Variants in PHACTR3 observed in about 807,000 individuals in gnomAD.
The protein encoded by PHACTR3 is protein phosphatase 1, regulatory subunit 123.
Under a neutral mutation model 66.8 loss-of-function variants are expected in PHACTR3, and 16 were observed. That is an observed-to-expected ratio of 0.24 (90% CI 0.16 to 0.36). The LOEUF (loss-of-function observed/expected upper bound fraction) is 0.36. PHACTR3 is among the 10% of genes least tolerant of loss of function. PHACTR3 has a pLI of 1.00. For missense variants in PHACTR3, 647 were observed against 719.9 expected, an observed-to-expected ratio of 0.90 and a Z score of 1.16; for synonymous variants, 323 against 292.1, an observed-to-expected ratio of 1.11 and a Z score of -1.08.
At chr20:59,768,448 A>G (rs990855606) in intron 5 of PHACTR3, among the ~76,000 whole-genome samples, 1 of 151,886 alleles carries the variant, frequency 6.6e-6, no homozygotes, top group Non-Finnish European at 1.5e-5. Flanking sequence ...GGCTCAGGAA[A>G]CTCCAGTAAC....
chr20:59,708,323 G>T (rs1352240552), intron 1 of PHACTR3, among the ~76,000 whole-genome samples: 1 of 152,224 alleles, frequency 6.6e-6, no homozygotes, highest in East Asian at 1.9e-4. Flanking sequence ...ATAGCAAAGG[G>T]ACGCTGCTTA....
At position 59,797,407 on chromosome 20, in the gene PHACTR3, G is replaced by C. The variant is rs541823251; in HGVS notation, c.1175-8634G>C. On this transcript the variant is annotated intron_variant, in intron 7 of 12. Coordinates refer to ENST00000371015, the MANE Select transcript of PHACTR3 (RefSeq NM_080672.5). ...CAGCATCATGTTTCCTTGCTTTCTT[G>C]TTTCTTGTGTCCATGCATTGGTATC... is the stretch of plus-strand genomic sequence containing the variant. Among the ~76,000 whole-genome samples the C allele has an allele frequency of 2.0e-5, 3 of 151,282 alleles. 1 individual carries two copies. The highest frequency in any genetic ancestry group is 4.2e-4 in the South Asian group (2 of 4,772).
chr20:59,688,473 A>G (rs925756397), intron 1 of PHACTR3, among the ~76,000 whole-genome samples: 3 of 152,178 alleles, frequency 2.0e-5, no homozygotes, highest in African/African-American at 7.2e-5. Context: ...GGGAAAGCCT[A>G]GTCGGCTTTA....
chr20:59,721,460 A>G (rs962191595), intron 1 of PHACTR3: 2 of 152,660 alleles, frequency 1.3e-5, no homozygotes, highest in South Asian at 2.1e-4. Flanking sequence ...TGATGGGGCG[A>G]TGGTGGGGGA....
chr20:59,759,410 T>A (rs1301981706), intron 4 of PHACTR3, among the ~76,000 whole-genome samples: 4 of 152,204 alleles, frequency 2.6e-5, no homozygotes, highest in Non-Finnish European at 1.5e-5. Flanking sequence ...TGCAGTTTCT[T>A]TTCAGTCATC....
intron 8 of PHACTR3, among the ~76,000 whole-genome samples, chr20:59,819,536 TAAAA>T (rs1341673476): frequency 6.8e-5 from 9 of 131,486 alleles, no homozygotes; most frequent in Non-Finnish European, 6.6e-5. Context: ...ACCCTGTCGT[TAAAA>T]AAAAAAAAAA....
intron 8 of PHACTR3, among the ~76,000 whole-genome samples, chr20:59,827,040 G>A (rs2042214121): frequency 6.6e-6 from 1 of 152,048 alleles, no homozygotes; most frequent in Non-Finnish European, 1.5e-5. Context: ...GGCACCAGGT[G>A]ATTCCTCAGT....
intron 7 of PHACTR3, among the ~76,000 whole-genome samples, chr20:59,789,947 C>T (rs138079015): frequency 4.6e-5 from 7 of 152,338 alleles, no homozygotes; most frequent in Non-Finnish European, 7.3e-5. Flanking sequence ...GCATTAGCAA[C>T]GTGGAGACAT....
At chr20:59,622,739 C>T (rs1274342120) in intron 1 of PHACTR3, among the ~76,000 whole-genome samples, 1 of 151,952 alleles carries the variant, frequency 6.6e-6, no homozygotes, top group Non-Finnish European at 1.5e-5. Flanking sequence ...GGACCTGAGC[C>T]GGGCACCAGC....
At chr20:59,681,838 C>T (rs1568706185) in intron 1 of PHACTR3, among the ~76,000 whole-genome samples, 2 of 152,008 alleles carry the variant, frequency 1.3e-5, no homozygotes, top group Non-Finnish European at 2.9e-5. Context: ...TGGTGAAACC[C>T]TGTCTCTACT....
intron 7 of PHACTR3, among the ~76,000 whole-genome samples, chr20:59,790,228 TAATC>T (rs1251017909): frequency 2.6e-5 from 4 of 152,174 alleles, no homozygotes; most frequent in Non-Finnish European, 2.9e-5. Context: ...ACCCAGGTAT[TAATC>T]TTAGTACCCA....
At chr20:59,619,760 A>G (rs973940593) in intron 1 of PHACTR3, among the ~76,000 whole-genome samples, 1 of 152,202 alleles carries the variant, frequency 6.6e-6, no homozygotes, top group Non-Finnish European at 1.5e-5. Flanking sequence ...TATTGCTTCC[A>G]TATTACAGGG....
At chr20:59,670,114 G>C (rs1162891733) in intron 1 of PHACTR3, among the ~76,000 whole-genome samples, 1 of 152,198 alleles carries the variant, frequency 6.6e-6, no homozygotes, top group African/African-American at 2.4e-5. Context: ...CATTCTAGTG[G>C]GGGCCATTTA....
At chr20:59,711,801 T>G (rs1234419320) in intron 1 of PHACTR3, among the ~76,000 whole-genome samples, 1 of 152,212 alleles carries the variant, frequency 6.6e-6, no homozygotes, top group Non-Finnish European at 1.5e-5. Context: ...AGGGATAGTC[T>G]GTATTTAATT....
At chr20:59,635,137 T>TTCTTTCTTTCTTTC (rs2034815239) in intron 1 of PHACTR3, among the ~76,000 whole-genome samples, 1 of 78,848 alleles carries the variant, frequency 1.3e-5, no homozygotes, top group African/African-American at 4.9e-5. Flanking sequence ...CTTTCTTTCT[T>TTCTTTCTTTCTTTC]TCTTTCTTTC....
At chr20:59,587,712 C>T (rs547123787) in intron 1 of PHACTR3, among the ~76,000 whole-genome samples, 1 of 152,060 alleles carries the variant, frequency 6.6e-6, no homozygotes, top group Non-Finnish European at 1.5e-5. Context: ...ACTGAGGTCC[C>T]TATTTTCTTG....
intron 12 of PHACTR3, among the ~76,000 whole-genome samples, chr20:59,845,543 T>C (rs139884936): frequency 8.9e-4 from 136 of 152,272 alleles, no homozygotes; most frequent in African/African-American, 3.1e-3. Flanking sequence ...ATGAAAGTAA[T>C]TTTTCTGTGT....
chr20:59,705,283 A>G (rs1165099106), intron 1 of PHACTR3, among the ~76,000 whole-genome samples: 2 of 152,178 alleles, frequency 1.3e-5, no homozygotes, highest in Admixed American at 6.5e-5. Context: ...TAAAGTCAAT[A>G]TAATTCTAAG....
intron 1 of PHACTR3, among the ~76,000 whole-genome samples, chr20:59,661,779 G>C (rs1433076345): frequency 4.1e-5 from 6 of 145,360 alleles, no homozygotes; most frequent in Admixed American, 3.4e-4. Flanking sequence ...CTCGGTGGGA[G>C]TTCTCAGGAA....
Sources: gnomAD v4.1 joint callset for allele counts (sites outside exome capture counted in the v4.1 genomes callset) on GRCh38, gnomAD v4.1.1 for gene constraint, MANE v1.5 for transcripts, NCBI Gene and HGNC (gene_info 2026-07-23, HGNC 2026-07-21) for gene names.